EYS: variants seen among roughly 807,000 people sequenced by gnomAD.
EYS encodes protein eyes shut homolog.
A neutral mutation model predicts 282.1 loss-of-function variants in EYS; 250 were observed. That is an observed-to-expected ratio of 0.89 (90% confidence interval 0.80 to 0.98). The LOEUF is 0.98. Among genes scored for constraint, EYS ranks in the 50% least tolerant of loss-of-function variants. EYS has a pLI of 0.00. For missense variants in EYS, 4,016 were observed against 3,709.0 expected, an observed-to-expected ratio of 1.08 and a Z score of -2.15; for synonymous variants, 1,355 against 1,282.9, an observed-to-expected ratio of 1.06 and a Z score of -1.20.
intron 26 of EYS, among the ~76,000 whole-genome samples, chr6:64,506,572 G>A (rs946936074): frequency 6.6e-6 from 1 of 152,200 alleles, no homozygotes; most frequent in South Asian, 2.1e-4. Context: ...TCTTGTCAAA[G>A]GATCAGTTCA....
chr6:64,524,981 G>A (rs115074301), intron 26 of EYS, among the ~76,000 whole-genome samples: 3,886 of 151,740 alleles, frequency 0.026, 78 homozygotes, highest in African/African-American at 0.056. Flanking sequence ...ATGAGATATC[G>A]TCTCACAGCA....
intron 12 of EYS, among the ~76,000 whole-genome samples, chr6:65,157,370 T>C (rs1764752889): frequency 1.3e-5 from 2 of 150,816 alleles, no homozygotes; most frequent in Non-Finnish European, 3.0e-5. Context: ...ATCAAATCTA[T>C]AGAGTTTAAT....
At chr6:64,927,462 G>T in intron 15 of EYS, among the ~76,000 whole-genome samples, 1 of 152,080 alleles carries the variant, frequency 6.6e-6, no homozygotes, top group East Asian at 1.9e-4. Flanking sequence ...CAATTCTATA[G>T]ACTGAAACAA....
intron 11 of EYS, among the ~76,000 whole-genome samples, chr6:65,313,145 T>C (rs1442443946): frequency 2.6e-5 from 4 of 152,086 alleles, no homozygotes; most frequent in Non-Finnish European, 4.4e-5. Context: ...GGATATTTTT[T>C]CCCCATAGGT....
chr6:65,218,204 G>C (rs1165580026), intron 12 of EYS, among the ~76,000 whole-genome samples: 1 of 151,998 alleles, frequency 6.6e-6, no homozygotes, highest in Non-Finnish European at 1.5e-5. Context: ...AGATAGTATG[G>C]GGGATAGTTA....
intron 2 of EYS, among the ~76,000 whole-genome samples, chr6:65,574,544 AT>A (rs1436440598): frequency 6.6e-6 from 1 of 152,216 alleles, no homozygotes; most frequent in African/African-American, 2.4e-5. Context: ...GAAGGGCAAT[AT>A]ATAATGATAA....
intron 35 of EYS, among the ~76,000 whole-genome samples, chr6:63,889,684 C>A (rs7756381): frequency 0.36 from 55,290 of 151,922 alleles, 10,488 homozygotes; most frequent in South Asian, 0.47. Flanking sequence ...AATGTAAAGA[C>A]CATCAACACT....
chr6:64,287,855 A>G (rs1364436504), intron 30 of EYS, among the ~76,000 whole-genome samples: 1 of 152,172 alleles, frequency 6.6e-6, no homozygotes, highest in Non-Finnish European at 1.5e-5. Flanking sequence ...AAGTAACCCT[A>G]TGGAGACAAC....
chr6:65,207,219 A>G (rs944977257), intron 12 of EYS, among the ~76,000 whole-genome samples: 5 of 151,732 alleles, frequency 3.3e-5, no homozygotes, highest in African/African-American at 9.7e-5. Flanking sequence ...GCATTTCCAT[A>G]CACTAATGAC....
At chr6:63,849,288 C>T (rs575762382) in intron 36 of EYS, among the ~76,000 whole-genome samples, 1 of 152,204 alleles carries the variant, frequency 6.6e-6, no homozygotes. Context: ...TTCCTGCCTG[C>T]TGGCTCTGAA....
intron 28 of EYS, among the ~76,000 whole-genome samples, chr6:64,424,656 C>T (rs566167769): frequency 6.6e-6 from 1 of 152,172 alleles, no homozygotes; most frequent in Non-Finnish European, 1.5e-5. Flanking sequence ...ACCGTTGAAT[C>T]TCAAATCAAG....
At chr6:64,375,325 G>A (rs1007254619) in intron 29 of EYS, among the ~76,000 whole-genome samples, 2 of 152,004 alleles carry the variant, frequency 1.3e-5, no homozygotes, top group South Asian at 2.1e-4. Flanking sequence ...TGACTATATC[G>A]CAATGCTGAT....
chr6:64,045,608 G>A (rs539657119), intron 33 of EYS, among the ~76,000 whole-genome samples: 1 of 150,922 alleles, frequency 6.6e-6, no homozygotes, highest in Admixed American at 6.6e-5. Context: ...ACCAGGCTCA[G>A]CTAATTTTCT....
chr6:64,765,208 G>T (rs1027121841), intron 22 of EYS, among the ~76,000 whole-genome samples: 1 of 152,162 alleles, frequency 6.6e-6, no homozygotes, highest in Non-Finnish European at 1.5e-5. Context: ...GATCTCTAAG[G>T]CAGGGGAAAA....
chr6:64,304,056 T>C (rs1419590546), intron 30 of EYS, among the ~76,000 whole-genome samples: 2 of 152,158 alleles, frequency 1.3e-5, no homozygotes, highest in Non-Finnish European at 2.9e-5. Context: ...GCAATGTTAA[T>C]TACCCTCTAG....
At chr6:64,674,543 G>T in intron 22 of EYS, among the ~76,000 whole-genome samples, 1 of 152,018 alleles carries the variant, frequency 6.6e-6, no homozygotes, top group Admixed American at 6.6e-5. Context: ...TTAAAATTAT[G>T]AAGTGATGGA....
At chr6:64,853,859 G>A (rs1209630232) in intron 19 of EYS, among the ~76,000 whole-genome samples, 1 of 151,982 alleles carries the variant, frequency 6.6e-6, no homozygotes, top group East Asian at 1.9e-4. Flanking sequence ...ATCTGACAAA[G>A]GGCTAATATC....
In EYS at chr6:64,420,293, G is replaced by T. The variant is rs567131734; in HGVS notation, c.5927+15881C>A. Among the ~76,000 whole-genome samples the T allele has an allele frequency of 2.0e-5, 3 of 152,218 alleles. No individual in the cohort carries two copies. In the South Asian group the frequency reaches 6.2e-4, roughly 32 times the overall value. ...ATTCCCTAGGCTGCATACAGCCGGG[G>T]GAGCCTGGGCCTGGCCTATGAACCA... On this transcript the variant is annotated intron_variant, in intron 28 of 42. Transcript: ENST00000503581.
intron 11 of EYS, among the ~76,000 whole-genome samples, chr6:65,311,698 T>C (rs1769165423): frequency 6.6e-6 from 1 of 152,252 alleles, no homozygotes; most frequent in South Asian, 2.1e-4. Context: ...TCAGGGCCAA[T>C]GTTGGAAGCA....
Sources: gnomAD v4.1 joint callset for allele counts (sites outside exome capture counted in the v4.1 genomes callset) on GRCh38, gnomAD v4.1.1 for gene constraint, MANE v1.5 for transcripts, NCBI Gene and HGNC (gene_info 2026-07-23, HGNC 2026-07-21) for gene names.